The following FOXP2 variants were observed in gnomAD, a reference collection of about 807,000 sequenced individuals.
FOXP2 encodes forkhead box protein P2.
Under a neutral mutation model 115.8 loss-of-function variants are expected in FOXP2, and 12 were observed. The ratio of observed to expected loss-of-function variants is 0.10; its 90% CI spans 0.07 to 0.17. The LOEUF (loss-of-function observed/expected upper bound fraction) is 0.17, where lower values mean the gene tolerates loss of function less well. Ranked by LOEUF, FOXP2 falls within the 10% of genes least tolerant of loss-of-function variation. The pLI, the probability that FOXP2 is intolerant of heterozygous loss-of-function variation, is 1.00. For synonymous variants in FOXP2, 328 were observed against 297.7 expected (o/e 1.10, Z -1.05); for missense variants, 629 against 843.5 (o/e 0.75, Z 3.15).
intron 2 of FOXP2, among the ~76,000 whole-genome samples, chr7:114,288,328 A>G (rs1322260182): frequency 6.6e-6 from 1 of 151,896 alleles, no homozygotes; most frequent in Non-Finnish European, 1.5e-5. Flanking sequence ...TCTTTCTATT[A>G]AACTTGGTAT....
chr7:114,260,648 G>T (rs1164938478), intron 1 of FOXP2, among the ~76,000 whole-genome samples: 1 of 151,828 alleles, frequency 6.6e-6, no homozygotes, highest in South Asian at 2.1e-4. Flanking sequence ...AGAAAAAAAC[G>T]CATGAACAAC....
chr7:114,579,784 C>T (rs1801753063), intron 3 of FOXP2, among the ~76,000 whole-genome samples: 1 of 152,082 alleles, frequency 6.6e-6, no homozygotes, highest in Non-Finnish European at 1.5e-5. Flanking sequence ...CACATATTCA[C>T]TGAGCATATA....
At chr7:114,168,068 C>CT (rs1449685166) in intron 1 of FOXP2, among the ~76,000 whole-genome samples, 1 of 152,090 alleles carries the variant, frequency 6.6e-6, no homozygotes, top group Non-Finnish European at 1.5e-5. Flanking sequence ...CCATGTGGAA[C>CT]TGTGAGTTTA....
intron 2 of FOXP2, among the ~76,000 whole-genome samples, chr7:114,359,302 G>A (rs1234839330): frequency 1.3e-5 from 2 of 152,246 alleles, no homozygotes; most frequent in African/African-American, 4.8e-5. Context: ...GTGGATGTAT[G>A]GGAATGCCTG....
intron 2 of FOXP2, among the ~76,000 whole-genome samples, chr7:114,334,427 T>TA (rs1396843432): frequency 2.0e-5 from 3 of 152,054 alleles, no homozygotes; most frequent in Non-Finnish European, 4.4e-5. Flanking sequence ...GAGAGAATGA[T>TA]AAATAGAGCA....
intron 3 of FOXP2, chr7:114,570,996 T>C: frequency 2.3e-6 from 2 of 873,224 alleles, no homozygotes; most frequent in Middle Eastern, 2.2e-4. Context: ...TTGGTGCAGA[T>C]AATCAAGATA....
Position 114,690,055 on chromosome 7 carries a change from A to C in FOXP2, c.*129A>C, listed in dbSNP as rs751733995. On this transcript the variant is annotated 3_prime_UTR_variant, in exon 17 of 17. Coordinates refer to ENST00000350908, the MANE Select transcript of FOXP2 (RefSeq NM_014491.4). Reference sequence around the variant, plus strand: ...AGCATGGATAAAGGAGACAGCCCTAAAGGAACTTACTAAGCCAGCCCTTTG... The same window carrying C: ...AGCATGGATAAAGGAGACAGCCCTACAGGAACTTACTAAGCCAGCCCTTTG... 1 of 1,160,236 alleles carries C rather than the reference A, an allele frequency of 8.6e-7. No homozygotes were observed. Among genetic ancestry groups the C allele is most frequent in the Non-Finnish European group, 1.3e-6 (1 of 789,822 alleles). 71.9% of individuals were successfully genotyped at this position (1,160,236 alleles called of 1,614,324 possible). A position where few individuals can be genotyped will look rare whatever the true frequency, so the allele number is the denominator to read the frequency against.
chr7:114,132,989 G>A (rs1215955544), intron 1 of FOXP2, among the ~76,000 whole-genome samples: 1 of 152,132 alleles, frequency 6.6e-6, no homozygotes, highest in African/African-American at 2.4e-5. Context: ...CAGAGGTAGG[G>A]ATGAAGGCAG....
chr7:114,518,038 C>T (rs1798429611), intron 2 of FOXP2, among the ~76,000 whole-genome samples: 1 of 151,988 alleles, frequency 6.6e-6, no homozygotes, highest in Admixed American at 6.6e-5. Flanking sequence ...ACAGATCTTC[C>T]ACCTCCTTGG....
chr7:114,631,517 T>C lies in FOXP2; in HGVS notation c.598-11T>C. 6.4e-7 allele frequency: 1 copy of C among 1,558,042 alleles called. No individual in the cohort carries two copies. Among genetic ancestry groups the C allele is most frequent in the South Asian group, 1.2e-5 (1 of 84,886 alleles). On this transcript the variant is annotated splice_polypyrimidine_tract_variant and intron_variant, in intron 5 of 16. Coordinates refer to ENST00000350908, the MANE Select transcript of FOXP2 (RefSeq NM_014491.4). ...CTCTGCTGTTTACTGGTTTGGGTTTTCTGATACCAGCAGCAGCAGCAGCAG... is the reference window on the plus strand; with the variant it reads ...CTCTGCTGTTTACTGGTTTGGGTTTCCTGATACCAGCAGCAGCAGCAGCAG...
At chr7:114,330,924 A>G (rs938447911) in intron 2 of FOXP2, among the ~76,000 whole-genome samples, 3 of 152,224 alleles carry the variant, frequency 2.0e-5, no homozygotes, top group South Asian at 2.1e-4. Flanking sequence ...TCCTGTAGCT[A>G]TGAAATATGA....
chr7:114,090,981 A>G (rs1416970857), intron 1 of FOXP2, among the ~76,000 whole-genome samples: 1 of 151,716 alleles, frequency 6.6e-6, no homozygotes, highest in Non-Finnish European at 1.5e-5. Context: ...ACTTTTTTTT[A>G]GCCCAGCTTT....
At chr7:114,174,751 C>G (rs1419915053) in intron 1 of FOXP2, among the ~76,000 whole-genome samples, 2 of 152,038 alleles carry the variant, frequency 1.3e-5, no homozygotes, top group Non-Finnish European at 2.9e-5. Flanking sequence ...TCAGGTTTTA[C>G]TAAATAGCAA....
chr7:114,365,924 T>C (rs1791868976), intron 2 of FOXP2, among the ~76,000 whole-genome samples: 1 of 152,162 alleles, frequency 6.6e-6, no homozygotes, highest in Non-Finnish European at 1.5e-5. Flanking sequence ...AATGTGCTAC[T>C]AATCATTTCC....
At chr7:114,529,791 A>T (rs1257691739) in intron 2 of FOXP2, among the ~76,000 whole-genome samples, 3 of 151,818 alleles carry the variant, frequency 2.0e-5, no homozygotes, top group Middle Eastern at 3.2e-3. Flanking sequence ...CTTCTATTAA[A>T]TAACATTATG....
intron 1 of FOXP2, among the ~76,000 whole-genome samples, chr7:114,126,687 A>G (rs1791719107): frequency 6.6e-6 from 1 of 152,160 alleles, no homozygotes; most frequent in Non-Finnish European, 1.5e-5. Context: ...GCTGTATATT[A>G]TTCAGTCAGT....
intron 1 of FOXP2, among the ~76,000 whole-genome samples, chr7:114,277,294 C>T (rs1484643699): frequency 6.6e-6 from 1 of 152,108 alleles, no homozygotes; most frequent in Non-Finnish European, 1.5e-5. Flanking sequence ...AATTTTCTAA[C>T]ATGTTTGACT....
intron 1 of FOXP2, among the ~76,000 whole-genome samples, chr7:114,120,692 A>G (rs533414957): frequency 1.3e-3 from 190 of 144,806 alleles, no homozygotes; most frequent in Admixed American, 2.7e-3. Context: ...GTGTGTGTGT[A>G]TATGTATGTG....
At chr7:114,480,781 A>C (rs1796503460) in intron 2 of FOXP2, among the ~76,000 whole-genome samples, 1 of 150,682 alleles carries the variant, frequency 6.6e-6, no homozygotes, top group Non-Finnish European at 1.5e-5. Flanking sequence ...ACATACATAC[A>C]CATGCACAAC....
Sources: gnomAD v4.1 joint callset for allele counts (sites outside exome capture counted in the v4.1 genomes callset) on GRCh38, gnomAD v4.1.1 for gene constraint, MANE v1.5 for transcripts, NCBI Gene and HGNC (gene_info 2026-07-23, HGNC 2026-07-21) for gene names.